Variants in ADGRV1 observed in about 807,000 individuals in gnomAD.
The protein encoded by ADGRV1 is adhesion G protein-coupled receptor V1, also known as G-protein coupled receptor 98.
Under a neutral mutation model 596.2 loss-of-function variants are expected in ADGRV1, and 359 were observed. That is an observed-to-expected ratio of 0.60 (90% CI 0.55 to 0.66). The LOEUF (loss-of-function observed/expected upper bound fraction) is 0.66. Among genes scored for constraint, ADGRV1 ranks in the 30% least tolerant of loss-of-function variants. The probability of loss-of-function intolerance (pLI) is 0.00; values close to 1 mark genes in which losing one functional copy is unlikely to be tolerated. For synonymous variants in ADGRV1, 2,681 were observed against 2,679.2 expected (o/e 1.00, Z -0.02); for missense variants, 7,274 against 7,575.6 (o/e 0.96, Z 1.48).
chr5:90,999,570 G>A (rs571757101), intron 85 of ADGRV1, among the ~76,000 whole-genome samples: 1 of 152,060 alleles, frequency 6.6e-6, no homozygotes, highest in Non-Finnish European at 1.5e-5. Flanking sequence ...GGGTGGCAGA[G>A]TTGTAATGAT....
chr5:90,680,597 A>G (rs1160215956), intron 26 of ADGRV1, among the ~76,000 whole-genome samples: 1 of 152,128 alleles, frequency 6.6e-6, no homozygotes, highest in Non-Finnish European at 1.5e-5. Flanking sequence ...TTTTTTCACA[A>G]TGTCAGATTT....
At chr5:90,989,869 T>G (rs1043528079) in intron 85 of ADGRV1, among the ~76,000 whole-genome samples, 4 of 152,172 alleles carry the variant, frequency 2.6e-5, no homozygotes, top group Admixed American at 1.3e-4. Context: ...CGGGCTGGAG[T>G]GCAATGGCGT....
chr5:90,933,889 G>C (rs1218436828), intron 83 of ADGRV1, among the ~76,000 whole-genome samples: 1 of 152,100 alleles, frequency 6.6e-6, no homozygotes, highest in Non-Finnish European at 1.5e-5. Flanking sequence ...TGTCAATTCT[G>C]GTCTCCTTTG....
chr5:90,763,385 A>C lies in ADGRV1; in HGVS notation c.12201A>C (p.Lys4067Asn). Reference sequence around the variant, plus strand: ...CGGTTGTCCGGTCCCCAGGAGGAAAAGGAACCGTCCGACTTGAGTGGACCA... The same window carrying C: ...CGGTTGTCCGGTCCCCAGGAGGAAACGGAACCGTCCGACTTGAGTGGACCA... ...TLTVVRSPGGKGTVRLEWTID... is the reference protein window; with the variant it reads ...TLTVVRSPGGNGTVRLEWTID... Residue 4067 changes from lysine (K) to asparagine (N), a missense_variant, in exon 59 of 90, where the codon AAA becomes AAC. Physicochemically the swap from Lys to Asn is moderately conservative, Grantham distance 94. This residue lies in a region of ADGRV1 where 3,643 missense variants were observed against 3,809.2 expected (regional missense o/e 0.96). Transcript: ENST00000405460. 6.2e-7 allele frequency: 1 copy of C among 1,613,346 alleles called. No homozygotes were observed. Among genetic ancestry groups the C allele is most frequent in the Non-Finnish European group, 8.5e-7 (1 of 1,179,450 alleles).
At chr5:91,115,418 C>T (rs1442993912) in intron 87 of ADGRV1, among the ~76,000 whole-genome samples, 1 of 152,154 alleles carries the variant, frequency 6.6e-6, no homozygotes. Flanking sequence ...AAGGCATATA[C>T]TCCTGGGCCG....
chr5:91,089,622 T>C (rs1452640295), intron 86 of ADGRV1, among the ~76,000 whole-genome samples: 1 of 152,178 alleles, frequency 6.6e-6, no homozygotes, highest in Non-Finnish European at 1.5e-5. Flanking sequence ...TAGGGTTATC[T>C]TTAGGGTTAA....
chr5:90,558,998 G>A, intron 1 of ADGRV1, 81 bp downstream of exon 1: 1 of 1,311,584 alleles, frequency 7.6e-7, no homozygotes, highest in Admixed American at 2.6e-5. Context: ...TGTTGCTGCA[G>A]GTGGGCGGCG....
chr5:91,156,352 A>G (rs1311429242), intron 89 of ADGRV1, among the ~76,000 whole-genome samples: 1 of 152,192 alleles, frequency 6.6e-6, no homozygotes, highest in Non-Finnish European at 1.5e-5. Flanking sequence ...TCTCACCAAG[A>G]AACTGTAGCA....
intron 85 of ADGRV1, among the ~76,000 whole-genome samples, chr5:91,050,903 A>G (rs983501755): frequency 3.9e-5 from 6 of 152,210 alleles, no homozygotes; most frequent in Middle Eastern, 3.2e-3. Context: ...ACAAAGTGAT[A>G]TCCACTAGAA....
At chr5:91,129,981 G>A (rs143033645) in intron 87 of ADGRV1, among the ~76,000 whole-genome samples, 1 of 152,168 alleles carries the variant, frequency 6.6e-6, no homozygotes, top group African/African-American at 2.4e-5. Context: ...TTAGACATTG[G>A]CCTGTTTGAG....
intron 1 of ADGRV1, among the ~76,000 whole-genome samples, chr5:90,607,430 A>G (rs1762237311): frequency 1.3e-5 from 2 of 152,126 alleles, no homozygotes; most frequent in Non-Finnish European, 2.9e-5. Context: ...TCTCCAGGAA[A>G]GGTAAAACAG....
chr5:90,803,047 A>T (rs912979121), intron 71 of ADGRV1, among the ~76,000 whole-genome samples, 165 bp downstream of exon 71: 1 of 151,950 alleles, frequency 6.6e-6, no homozygotes, highest in Non-Finnish European at 1.5e-5. Flanking sequence ...TATATAAAAT[A>T]ATTAGTCTAT....
At position 90,683,788 on chromosome 5, in the gene ADGRV1, G is replaced by T. The variant is rs1745251783; in HGVS notation, c.5867G>T (p.Ser1956Ile). The T allele has an allele frequency of 6.2e-7, 1 of 1,613,736 alleles. No individual in the cohort carries two copies. The highest frequency in any genetic ancestry group is 1.7e-5 in the Admixed American group (1 of 59,976). Residue 1956 changes from serine to isoleucine, a missense_variant, in exon 28 of 90, where the codon AGT (serine) becomes ATT (isoleucine). This residue lies in a region of ADGRV1 where 3,643 missense variants were observed against 3,809.2 expected (regional missense o/e 0.96). Coordinates refer to ENST00000405460, the MANE Select transcript of ADGRV1 (RefSeq NM_032119.4). ...TCTGTGTCAGTCCTCAGTGTTTCCA[G>T]TGGTTCTTTGGGAGCTCATATTAAT... Reference protein sequence around the residue: ...AFSVSVLSVSSGSLGAHINAT... With the variant: ...AFSVSVLSVSIGSLGAHINAT...
In ADGRV1 at chr5:90,840,664, G is replaced by T. The variant is rs1371686085; in HGVS notation, c.16698G>T (p.Leu5566Phe). 3.7e-6 allele frequency: 6 copies of T among 1,613,792 alleles called. No homozygotes were observed. The highest frequency in any genetic ancestry group is 4.2e-6 in the Non-Finnish European group (5 of 1,179,828). ...GKDFVITEGT[L>F]VFEPGQRSTV... The stretch of plus-strand genomic sequence containing the variant: ...ATTTTGTGATAACTGAAGGCACATT[G>T]GTCTTTGAACCTGGCCAGAGAAGCA... Residue 5566 changes from leucine (L) to phenylalanine (F), a missense_variant, in exon 78 of 90, where the codon TTG becomes TTT. Leu to Phe is a conservative substitution (Grantham distance 22, BLOSUM62 0). Transcript: ENST00000405460.
At chr5:91,135,785 G>T (rs922595830) in intron 87 of ADGRV1, among the ~76,000 whole-genome samples, 1 of 152,202 alleles carries the variant, frequency 6.6e-6, no homozygotes, top group African/African-American at 2.4e-5. Flanking sequence ...GTTGATGGAT[G>T]ATGATGTGAC....
rs559871684 is a variant in ADGRV1, at chr5:90,910,809, CT to C, written c.17856+46956del. ...ACTGAAAACTGACTGAAAATCTAAT[CT>C]TTTATGAAAATTACTTCTTAGATGC... On this transcript the variant is annotated intron_variant, in intron 83 of 89. Transcript: ENST00000405460. Among the ~76,000 whole-genome samples the C allele has an allele frequency of 3.9e-5, 6 of 152,142 alleles. No individual in the cohort carries two copies. In the South Asian group the frequency reaches 1.2e-3, roughly 32 times the overall value.
At chr5:91,116,183 C>T (rs1347464601) in intron 87 of ADGRV1, among the ~76,000 whole-genome samples, 2 of 152,140 alleles carry the variant, frequency 1.3e-5, no homozygotes, top group Non-Finnish European at 2.9e-5. Flanking sequence ...TATTTTCAGT[C>T]CTGCAGAATA....
intron 85 of ADGRV1, among the ~76,000 whole-genome samples, chr5:91,017,500 G>A (rs1376924211): frequency 2.6e-5 from 4 of 151,932 alleles, no homozygotes; most frequent in African/African-American, 7.2e-5. Context: ...TTATCCTCCC[G>A]TGGCATGAAT....
intron 83 of ADGRV1, among the ~76,000 whole-genome samples, chr5:90,869,842 T>G (rs1768495263): frequency 6.6e-6 from 1 of 152,164 alleles, no homozygotes; most frequent in African/African-American, 2.4e-5. Context: ...TTACTTGCCA[T>G]AGGTCACATA....
Sources: gnomAD v4.1 joint callset for allele counts (sites outside exome capture counted in the v4.1 genomes callset) on GRCh38, gnomAD v4.1.1 for gene constraint, gnomAD v4.1.1 regional missense constraint, MANE v1.5 for transcripts, NCBI Gene and HGNC (gene_info 2026-07-23, HGNC 2026-07-21) for gene names.